CRMP1: variants seen among roughly 807,000 people sequenced by gnomAD.
CRMP1 encodes the protein dihydropyrimidinase-related protein 1.
In CRMP1, 19 loss-of-function variants were observed where a neutral mutation model predicts 68.3. The observed-to-expected ratio is 0.28, with a 90% confidence interval of 0.19 to 0.41. The LOEUF (loss-of-function observed/expected upper bound fraction) is 0.41. Ranked by LOEUF, CRMP1 falls within the 10% of genes least tolerant of loss-of-function variation. The pLI, the probability that CRMP1 is intolerant of heterozygous loss-of-function variation, is 1.00. For missense variants in CRMP1, 791 were observed against 967.4 expected, an observed-to-expected ratio of 0.82 and a Z score of 2.42; for synonymous variants, 439 against 399.6, an observed-to-expected ratio of 1.10 and a Z score of -1.18.
intron 1 of CRMP1, among the ~76,000 whole-genome samples, chr4:5,867,589 G>T (rs961788879): frequency 6.6e-6 from 1 of 152,060 alleles, no homozygotes; most frequent in African/African-American, 2.4e-5. Context: ...TCCAAGCACC[G>T]ATCAGCTACC....
chr4:5,848,236 C>T (rs1401244609), intron 6 of CRMP1, among the ~76,000 whole-genome samples: 1 of 152,022 alleles, frequency 6.6e-6, no homozygotes, highest in Non-Finnish European at 1.5e-5. Flanking sequence ...GCTCCACCTT[C>T]CAGGTTCAAG....
intron 4 of CRMP1, among the ~76,000 whole-genome samples, chr4:5,852,284 G>T (rs1242128895): frequency 6.6e-6 from 1 of 152,196 alleles, no homozygotes. Context: ...ACCTCTCTGG[G>T]TTTCACTTTC....
In CRMP1 at chr4:5,888,306, G is replaced by A. The variant is rs929316621; in HGVS notation, c.381+4283C>T. 5 of 1,252,578 alleles carry A rather than the reference G, an allele frequency of 4.0e-6. No individual in the cohort carries two copies. In the African/African-American group the frequency reaches 4.6e-5, roughly 12 times the overall value. The allele number at this position is 1,252,578 out of a possible 1,614,324, so 77.6% of individuals were successfully genotyped here. ...CCCTCGGCCCGGCCGCTGACCTGCG[G>A]GGCTGTCTGACTGGAACCGGCGCTC... On this transcript the variant is annotated intron_variant, in intron 1 of 13. Transcript: ENST00000324989. The surrounding 1 kb of genome is among the most constrained non-coding windows in gnomAD (Gnocchi z 6.4).
At chr4:5,884,496 G>A (rs181926368) in intron 1 of CRMP1, among the ~76,000 whole-genome samples, 5 of 73,094 alleles carry the variant, frequency 6.8e-5, no homozygotes, top group South Asian at 5.1e-4. Context: ...ACACACACAC[G>A]GGCAGTGGTT....
intron 6 of CRMP1, among the ~76,000 whole-genome samples, chr4:5,844,116 C>T (rs1022160092): frequency 6.6e-6 from 1 of 152,052 alleles, no homozygotes; most frequent in African/African-American, 2.4e-5. Flanking sequence ...ATCTCAACTG[C>T]GCGTCTATGG....
chr4:5,861,233 G>C lies in CRMP1; in HGVS notation c.471-23C>G. 1 of 1,604,858 alleles carries C rather than the reference G, an allele frequency of 6.2e-7. No individual in the cohort carries two copies. Among genetic ancestry groups the C allele is most frequent in the Non-Finnish European group, 8.5e-7 (1 of 1,175,112 alleles). On this transcript the variant is annotated intron_variant, in intron 2 of 13. Transcript: ENST00000324989. The surrounding 1 kb of genome is among the most constrained non-coding windows in gnomAD (Gnocchi z 6.0). ...TGTCTGGAGGCAAACAACAGAGACAGCCTTGGTTCTTAAAGGAAAAGTAGA... is the reference window on the plus strand; with the variant it reads ...TGTCTGGAGGCAAACAACAGAGACACCCTTGGTTCTTAAAGGAAAAGTAGA...
rs1021709039 is a variant in CRMP1 at position 5,854,406 on chromosome 4, T to G, written c.820+1737A>C. On this transcript the variant is annotated intron_variant, in intron 4 of 13. Transcript: ENST00000324989. This position sits in a 1 kb window ranked among gnomAD's most constrained non-coding sequence, Gnocchi z 4.0. Reference sequence around the variant, plus strand: ...ACCACCACTCCTGGCTATGTTTTTTTTTTTTTTTTTTTTTTTTTAATAGAG... The same window carrying G: ...ACCACCACTCCTGGCTATGTTTTTTGTTTTTTTTTTTTTTTTTTAATAGAG... Among the ~76,000 whole-genome samples, 8 of 146,282 alleles carry G rather than the reference T, an allele frequency of 5.5e-5. No homozygotes were observed. The highest frequency in any genetic ancestry group is 7.5e-5 in the Non-Finnish European group (5 of 66,530).
chr4:5,884,608 T>C (rs150351633), intron 1 of CRMP1, among the ~76,000 whole-genome samples: 1 of 152,272 alleles, frequency 6.6e-6, no homozygotes, highest in African/African-American at 2.4e-5. Flanking sequence ...TGAATCTCTC[T>C]GAGCCTCAGT....
rs1413510281 is a variant in CRMP1 at position 5,860,664 on chromosome 4, A to G, written c.655+362T>C. 1.3e-5 allele frequency among the ~76,000 whole-genome samples: 2 copies of G among 150,604 alleles called. No individual in the cohort carries two copies. Among genetic ancestry groups the G allele is most frequent in the Non-Finnish European group, 3.0e-5 (2 of 67,758 alleles). ...TTTTTGCTTTATCTCCCTATAATCC[A>G]TGTCTTCTTTACTTAATACTTTTCT... On this transcript the variant is annotated intron_variant, in intron 3 of 13. Transcript: ENST00000324989. This position sits in a 1 kb window ranked among gnomAD's most constrained non-coding sequence, Gnocchi z 4.2.
intron 2 of CRMP1, among the ~76,000 whole-genome samples, chr4:5,864,523 C>T (rs767985494): frequency 6.6e-6 from 1 of 152,232 alleles, no homozygotes; most frequent in Non-Finnish European, 1.5e-5. Context: ...CATTTGTTTG[C>T]GCTTTCCCTG....
intron 11 of CRMP1, among the ~76,000 whole-genome samples, chr4:5,831,216 G>A (rs894809499): frequency 6.6e-6 from 1 of 151,978 alleles, no homozygotes; most frequent in Admixed American, 6.6e-5. Context: ...CAAAGTGCTG[G>A]GTTTACAGGC....
Position 5,879,484 on chromosome 4 carries a change from T to C in CRMP1, c.382-12728A>G, listed in dbSNP as rs1270981448. 1.3e-5 allele frequency among the ~76,000 whole-genome samples: 2 copies of C among 152,242 alleles called. No individual in the cohort carries two copies. Among genetic ancestry groups the C allele is most frequent in the South Asian group, 4.1e-4 (2 of 4,826 alleles). ...AATCCTTGGCACCAGAGATGGCAGC[T>C]TATTCCCACATAGCTTCTTAGCGGG... On this transcript the variant is annotated intron_variant, in intron 1 of 13. Transcript: ENST00000324989. The surrounding 1 kb of genome is among the most constrained non-coding windows in gnomAD (Gnocchi z 4.2).
At chr4:5,887,792 G>A (rs979211953) in intron 1 of CRMP1, 1 of 990,166 alleles carries the variant, frequency 1.0e-6, no homozygotes, top group Non-Finnish European at 1.2e-6. Context: ...CAGCGGGGGA[G>A]GTACCGGGCT....
chr4:5,878,020 C>T (rs770290695), intron 1 of CRMP1, among the ~76,000 whole-genome samples: 15 of 152,212 alleles, frequency 9.9e-5, no homozygotes, highest in Non-Finnish European at 2.1e-4. Context: ...ACTCCTTTGC[C>T]TTAAGAAGTG....
rs543767657 is a variant in CRMP1 at position 5,883,232 on chromosome 4, TTTCC to T, written c.381+9353_381+9356del. On this transcript the variant is annotated intron_variant, in intron 1 of 13. Coordinates refer to ENST00000324989, the MANE Select transcript of CRMP1 (RefSeq NM_001014809.3). This position sits in a 1 kb window ranked among gnomAD's most constrained non-coding sequence, Gnocchi z 4.5. ...GTGCCCTGTTCCGCAGCCTGCCTGC[TTTCC>T]TTCCTTCCTTCCTTCCTTCCTTCCT... Among the ~76,000 whole-genome samples, 123 of 112,366 alleles carry T rather than the reference TTTCC, an allele frequency of 1.1e-3. No homozygotes were observed. The highest frequency in any genetic ancestry group is 7.4e-3 in the East Asian group (20 of 2,718). The allele number at this position is 112,366 out of a possible 152,430, so 73.7% of individuals were successfully genotyped here. A position where few individuals can be genotyped will look rare whatever the true frequency, so the allele number is the denominator to read the frequency against.
chr4:5,882,233 T>A (rs1339990231), intron 1 of CRMP1, among the ~76,000 whole-genome samples: 1 of 152,216 alleles, frequency 6.6e-6, no homozygotes, highest in African/African-American at 2.4e-5. Flanking sequence ...ATATGCTACA[T>A]TTGAGTAGAA....
intron 6 of CRMP1, among the ~76,000 whole-genome samples, chr4:5,844,988 C>T (rs1411000426): frequency 6.6e-6 from 1 of 152,196 alleles, no homozygotes; most frequent in Admixed American, 6.5e-5. Flanking sequence ...ATACATTGTG[C>T]AGATTCGTGC....
chr4:5,845,632 C>G (rs1712131268), intron 6 of CRMP1, among the ~76,000 whole-genome samples: 2 of 152,238 alleles, frequency 1.3e-5, no homozygotes, highest in Admixed American at 1.3e-4. Flanking sequence ...TCCAGACCCA[C>G]AGGACCATGA....
Position 5,825,223 on chromosome 4 carries a change from GGAT to G in CRMP1, c.1969+268_1969+270del. 9.1e-6 allele frequency: 9 copies of G among 985,332 alleles called. No homozygotes were observed. The highest frequency in any genetic ancestry group is 1.1e-5 in the Non-Finnish European group (9 of 829,922). 61.0% of individuals were successfully genotyped at this position (985,332 alleles called of 1,614,324 possible). On this transcript the variant is annotated intron_variant, in intron 13 of 13. Transcript: ENST00000324989. This position sits in a 1 kb window ranked among gnomAD's most constrained non-coding sequence, Gnocchi z 4.4. ...TGAAAGTGTCCCCAAATGTGTGTAA[GGAT>G]GAGCACTGGGACAATTTTGGTACCT...
Sources: gnomAD v4.1 joint callset for allele counts (sites outside exome capture counted in the v4.1 genomes callset) on GRCh38, gnomAD v4.1.1 for gene constraint, Gnocchi (gnomAD v3.1) non-coding constraint, MANE v1.5 for transcripts, NCBI Gene and HGNC (gene_info 2026-07-23, HGNC 2026-07-21) for gene names.